Variants in ST6GAL2 observed in about 807,000 individuals in gnomAD.
ST6GAL2 encodes the protein ST6 beta-galactoside alpha-2,6-sialyltransferase 2, also known as beta-galactoside alpha-2,6-sialyltransferase 2.
Under a neutral mutation model 37.5 loss-of-function variants are expected in ST6GAL2, and 24 were observed. The ratio of observed to expected loss-of-function variants is 0.64; its 90% CI spans 0.46 to 0.90. The LOEUF is 0.90. Ranked by LOEUF, ST6GAL2 falls within the 40% of genes least tolerant of loss-of-function variation. ST6GAL2 has a pLI of 0.00. For synonymous variants in ST6GAL2, 306 were observed against 295.1 expected (o/e 1.04, Z -0.38); for missense variants, 715 against 712.7 (o/e 1.00, Z -0.04).
Position 106,830,176 on chromosome 2 carries a change from T to A in ST6GAL2, c.1208A>T (p.Asn403Ile). Residue 403 changes from asparagine (N) to isoleucine (I), a missense_variant, in exon 5 of 6, where the codon AAT (asparagine) becomes ATT (isoleucine). This residue lies in a region of ST6GAL2 where 198 missense variants were observed against 203.6 expected (regional missense o/e 0.97). Transcript: ENST00000409382. ...AGGATGAAGAATGTAAAATGGCTGA[T>A]TTGGGTTTCTCTGACGATGCTGAAT... ...PYIQHRQRNPNQPFYILHPKF... is the reference protein window; with the variant it reads ...PYIQHRQRNPIQPFYILHPKF... 7 of 1,613,950 alleles carry A rather than the reference T, an allele frequency of 4.3e-6. No individual in the cohort carries two copies. Among genetic ancestry groups the A allele is most frequent in the Non-Finnish European group, 5.9e-6 (7 of 1,180,004 alleles).
intron 5 of ST6GAL2, among the ~76,000 whole-genome samples, chr2:106,811,795 T>C (rs995770382): frequency 6.6e-6 from 1 of 152,024 alleles, no homozygotes; most frequent in Non-Finnish European, 1.5e-5. Context: ...CACCCCTAGG[T>C]TCAATGATTC....
In ST6GAL2 at chr2:106,843,187, A is replaced by G. The variant is rs773627637; in HGVS notation, c.791T>C (p.Leu264Pro). ...QLRSRARVRT[L>P]DGTEAPFSAL... ...AGAAAAGGGCGCCTCGGTGCCGTCC[A>G]GCGTCCGCACGCGCGCGCGGCTCCG... Residue 264 changes from leucine (L) to proline (P), a missense_variant, in exon 2 of 6, where the codon CTG becomes CCG. Leu to Pro is a moderately conservative substitution (Grantham distance 98). Transcript: ENST00000409382. 6.4e-7 allele frequency: 1 copy of G among 1,551,586 alleles called. No homozygotes were observed. Among genetic ancestry groups the G allele is most frequent in the South Asian group, 1.2e-5 (1 of 84,910 alleles).
intron 1 of ST6GAL2, among the ~76,000 whole-genome samples, chr2:106,853,090 T>C (rs916756007): frequency 6.6e-6 from 1 of 151,628 alleles, no homozygotes; most frequent in African/African-American, 2.4e-5. Context: ...AGCACCAGCC[T>C]TAAAATTTTA....
intron 5 of ST6GAL2, among the ~76,000 whole-genome samples, chr2:106,810,823 G>C (rs570809568): frequency 1.3e-5 from 2 of 152,190 alleles, no homozygotes; most frequent in South Asian, 4.2e-4. Flanking sequence ...ATGGTGGCTC[G>C]TGCCTGTGGT....
intron 1 of ST6GAL2, among the ~76,000 whole-genome samples, chr2:106,855,484 T>C (rs953345826): frequency 6.6e-6 from 1 of 152,176 alleles, no homozygotes; most frequent in African/African-American, 2.4e-5. Context: ...ATGTAAAATG[T>C]TTAAACACAT....
chr2:106,865,634 T>C (rs574159217), intron 1 of ST6GAL2, among the ~76,000 whole-genome samples: 6 of 152,318 alleles, frequency 3.9e-5, no homozygotes, highest in Admixed American at 2.0e-4. Flanking sequence ...AACTTTTACC[T>C]TAGGTCCATC....
chr2:106,805,417 C>G lies in ST6GAL2; in HGVS notation c.*1261G>C, dbSNP rs1675384828. On this transcript the variant is annotated 3_prime_UTR_variant, in exon 6 of 6. Transcript: ENST00000409382. Reference sequence around the variant, plus strand: ...AGTTGAGATTAAAGAAAAAATCAACCCTGAATATAGCTAACATATTGGGAT... The same window carrying G: ...AGTTGAGATTAAAGAAAAAATCAACGCTGAATATAGCTAACATATTGGGAT... 1.3e-5 allele frequency: 2 copies of G among 152,074 alleles called. No homozygotes were observed. Among genetic ancestry groups the G allele is most frequent in the African/African-American group, 4.8e-5 (2 of 41,366 alleles). The allele number at this position is 152,074 out of a possible 1,614,324, so 9.4% of individuals were successfully genotyped here. A position where few individuals can be genotyped will look rare whatever the true frequency, so the allele number is the denominator to read the frequency against.
chr2:106,801,620 GT>G lies in ST6GAL2; in HGVS notation c.*5057del, dbSNP rs1299696625. On this transcript the variant is annotated 3_prime_UTR_variant, in exon 6 of 6. Coordinates refer to ENST00000409382, the MANE Select transcript of ST6GAL2 (RefSeq NM_001142351.2). Reference sequence around the variant, plus strand: ...GAAACTTCTAGACAAATGAAAACATGTTTTATTTACAAGAAAAAAGTCTGTA... The same window carrying G: ...GAAACTTCTAGACAAATGAAAACATGTTTATTTACAAGAAAAAAGTCTGTA... The G allele has an allele frequency of 1.3e-5, 2 of 152,146 alleles. No individual in the cohort carries two copies. The highest frequency in any genetic ancestry group is 2.4e-5 in the African/African-American group (1 of 41,440). The allele number at this position is 152,146 out of a possible 1,614,324, so 9.4% of individuals were successfully genotyped here. A position where few individuals can be genotyped will look rare whatever the true frequency, so the allele number is the denominator to read the frequency against.
At chr2:106,816,095 T>A (rs1227139784) in intron 5 of ST6GAL2, among the ~76,000 whole-genome samples, 1 of 152,228 alleles carries the variant, frequency 6.6e-6, no homozygotes, top group Non-Finnish European at 1.5e-5. Context: ...AGTTATTTGG[T>A]GTTTTTAAAA....
intron 2 of ST6GAL2, among the ~76,000 whole-genome samples, chr2:106,840,727 C>A (rs982398527): frequency 6.6e-6 from 1 of 152,178 alleles, no homozygotes; most frequent in African/African-American, 2.4e-5. Flanking sequence ...TTCACGTTCT[C>A]TTCCAAATTG....
chr2:106,826,401 T>G (rs1235135617), intron 5 of ST6GAL2, among the ~76,000 whole-genome samples: 1 of 151,936 alleles, frequency 6.6e-6, no homozygotes, highest in Admixed American at 6.6e-5. Flanking sequence ...CCACATGCTC[T>G]CAAATAACCA....
chr2:106,807,868 C>T (rs547334343), intron 5 of ST6GAL2, among the ~76,000 whole-genome samples: 1 of 152,242 alleles, frequency 6.6e-6, no homozygotes, highest in East Asian at 1.9e-4. Flanking sequence ...TCCTGCTCCC[C>T]CCACCTCGGC....
Position 106,843,402 on chromosome 2 carries a change from G to A in ST6GAL2, c.576C>T (p.Gly192=), listed in dbSNP as rs1676995733. The change falls in exon 2 of 6, where the codon GGC becomes GGT. Residue 192 remains glycine, a synonymous_variant. Transcript: ENST00000409382. ...RSHVLEEGDD[G]DRLYSSMSRA... ...TGGACATGGAGGAGTACAGCCTGTCGCCGTCGTCGCCCTCCTCCAACACGT... is the reference window on the plus strand; with the variant it reads ...TGGACATGGAGGAGTACAGCCTGTCACCGTCGTCGCCCTCCTCCAACACGT... The A allele has an allele frequency of 6.2e-7, 1 of 1,614,080 alleles. No homozygotes were observed. Among genetic ancestry groups the A allele is most frequent in the Admixed American group, 1.7e-5 (1 of 60,026 alleles).
intron 1 of ST6GAL2, among the ~76,000 whole-genome samples, chr2:106,859,060 A>ATATG: frequency 6.6e-6 from 1 of 152,308 alleles, no homozygotes; most frequent in African/African-American, 2.4e-5. Context: ...ACAGTACAAC[A>ATATG]TATGTGCAAG....
intron 2 of ST6GAL2, among the ~76,000 whole-genome samples, chr2:106,842,777 C>T (rs1676946099): frequency 6.6e-6 from 1 of 152,192 alleles, no homozygotes; most frequent in Non-Finnish European, 1.5e-5. Flanking sequence ...ATGGGGAGGA[C>T]CCTTCCTGCT....
chr2:106,884,904 CGCATATATATATAT>C (rs1678898656), intron 1 of ST6GAL2, among the ~76,000 whole-genome samples: 1 of 41,148 alleles, frequency 2.4e-5, no homozygotes, highest in African/African-American at 1.8e-4. Context: ...AAATTTGCAG[CGCATATATATATAT>C]ATATATATAT....
At chr2:106,810,922 AT>A (rs200592897) in intron 5 of ST6GAL2, among the ~76,000 whole-genome samples, 1,984 of 152,290 alleles carry the variant, frequency 0.013, 46 homozygotes, top group African/African-American at 0.045. Context: ...CTGCACTCTC[AT>A]GCTCACTGAG....
chr2:106,830,387 C>T lies in ST6GAL2; in HGVS notation c.1144-147G>A, dbSNP rs148576315. 1.0e-3 allele frequency: 682 copies of T among 654,204 alleles called. 12 individuals carry two copies. The East Asian group carries it at 0.018, about 17-fold the overall frequency. The allele number at this position is 654,204 out of a possible 1,614,324, so 40.5% of individuals were successfully genotyped here. On this transcript the variant is annotated intron_variant, in intron 4 of 5. Transcript: ENST00000409382. ...TGACTCATGACATCTACAGACACTT[C>T]CTCATTGGGATGAGGGGACAAGAAC...
Position 106,806,004 on chromosome 2 carries a change from T to C in ST6GAL2, c.*674A>G, listed in dbSNP as rs1304884372. ...ACAAAGGGCCTCCTCTGTGGTGCTA[T>C]ATGGAATTTGGCTTTTTCTTGGACC... On this transcript the variant is annotated 3_prime_UTR_variant, in exon 6 of 6. Transcript: ENST00000409382. 3.3e-5 allele frequency: 5 copies of C among 152,376 alleles called. No homozygotes were observed. The highest frequency in any genetic ancestry group is 1.2e-4 in the African/African-American group (5 of 41,460). The allele number at this position is 152,376 out of a possible 1,614,324, so 9.4% of individuals were successfully genotyped here. A position where few individuals can be genotyped will look rare whatever the true frequency, so the allele number is the denominator to read the frequency against.
Sources: allele counts gnomAD v4.1 joint callset (sites outside exome capture counted in the v4.1 genomes callset), GRCh38; gene constraint gnomAD v4.1.1; regional missense constraint gnomAD v4.1.1; transcripts MANE v1.5; gene names NCBI Gene and HGNC (gene_info 2026-07-23, HGNC 2026-07-21).